The following MEIOB variants were observed in gnomAD, a reference collection of about 807,000 sequenced individuals.
The protein encoded by MEIOB is meiosis-specific with OB domain-containing protein.
A neutral mutation model predicts 53.1 loss-of-function variants in MEIOB; 50 were observed. The observed-to-expected ratio is 0.94, with a 90% CI of 0.75 to 1.19. MEIOB has a LOEUF of 1.19. Among genes scored for constraint, MEIOB ranks in the 50% most tolerant of loss-of-function variants. MEIOB has a pLI of 0.00. For synonymous variants in MEIOB, 192 were observed against 182.5 expected (o/e 1.05, Z -0.42); for missense variants, 551 against 550.8 (o/e 1.00, Z 0.00).
At chr16:1,838,799 C>G (rs913469336) in intron 12 of MEIOB, among the ~76,000 whole-genome samples, 3 of 152,084 alleles carry the variant, frequency 2.0e-5, no homozygotes, top group Non-Finnish European at 1.5e-5. Context: ...TCAAGTGATT[C>G]TCGTGCCCCA....
At chr16:1,853,879 G>A (rs1899233084) in intron 7 of MEIOB, among the ~76,000 whole-genome samples, 1 of 152,204 alleles carries the variant, frequency 6.6e-6, no homozygotes, top group African/African-American at 2.4e-5. Flanking sequence ...ACTGGGCACG[G>A]TGGAGTCCCC....
chr16:1,864,823 T>C (rs1899544306), intron 3 of MEIOB, among the ~76,000 whole-genome samples: 1 of 152,154 alleles, frequency 6.6e-6, no homozygotes, highest in Non-Finnish European at 1.5e-5. Context: ...TTTTAGCAAG[T>C]ATTTTAATAA....
At chr16:1,850,342 G>C (rs1397148421) in intron 9 of MEIOB, among the ~76,000 whole-genome samples, 3 of 152,258 alleles carry the variant, frequency 2.0e-5, no homozygotes, top group Middle Eastern at 6.8e-3. Flanking sequence ...ACTTTGGGAG[G>C]CCGAGGCGGG....
In MEIOB at chr16:1,862,063, G is replaced by C; in HGVS notation, c.181C>G (p.His61Asp). 6.4e-7 allele frequency: 1 copy of C among 1,551,360 alleles called. No homozygotes were observed. The highest frequency in any genetic ancestry group is 8.7e-7 in the Non-Finnish European group (1 of 1,146,726). The change falls in exon 4 of 14, where the codon CAT (histidine) becomes GAT (aspartate). Residue 61 changes from histidine to aspartate, a missense_variant. Transcript: ENST00000325962. ...FSFTIRDSPA[H>D]FVNAASWGNE... ...CCCCAGGAAGCTGCATTTACAAAAT[G>C]TGCTGGTGAATCCCGAATGGTGAAG... is the stretch of plus-strand genomic sequence containing the variant.
intron 11 of MEIOB, among the ~76,000 whole-genome samples, chr16:1,841,394 C>T (rs1306274645): frequency 6.6e-6 from 1 of 152,128 alleles, no homozygotes; most frequent in Non-Finnish European, 1.5e-5. Context: ...TGGACTCAAA[C>T]TCTTCAAACT....
rs747236111 is a variant in MEIOB, at chr16:1,839,336, C to T, written c.1137G>A (p.Leu379=). The stretch of plus-strand genomic sequence containing the variant: ...TGCCTGTGTGATCAGTCAGATCAAT[C>T]AGCACATGGAAACTGAGAAAGACAG... ...FKSVFLSFHV[L]IDLTDHTGTL... is the part of the protein sequence containing the mutation. The change falls in exon 12 of 14, where the codon CTG becomes CTA. Residue 379 remains leucine (L), a synonymous_variant. Coordinates refer to ENST00000325962, the MANE Select transcript of MEIOB (RefSeq NM_001163560.3). 6.2e-7 allele frequency: 1 copy of T among 1,614,174 alleles called. No individual in the cohort carries two copies. Among genetic ancestry groups the T allele is most frequent in the Non-Finnish European group, 8.5e-7 (1 of 1,180,036 alleles).
intron 10 of MEIOB, among the ~76,000 whole-genome samples, chr16:1,842,826 AT>A (rs575850474): frequency 3.4e-5 from 5 of 148,064 alleles, no homozygotes; most frequent in South Asian, 2.1e-4. Context: ...ACCACGGCTA[AT>A]TTTTTTTTGT....
chr16:1,845,879 C>T (rs1016623030), intron 9 of MEIOB, among the ~76,000 whole-genome samples: 2 of 152,110 alleles, frequency 1.3e-5, no homozygotes, highest in African/African-American at 4.8e-5. Flanking sequence ...TACCCCAGGC[C>T]CCCCTGAATA....
At position 1,841,982 on chromosome 16, in the gene MEIOB, AG is replaced by A; in HGVS notation, c.881-10del. Reference sequence around the variant, plus strand: ...ATCAACTATTGTACTTACTAAAAACAGAAAGAAGTATTACAGTTCTGTATAT... The same window carrying A: ...ATCAACTATTGTACTTACTAAAAACAAAAGAAGTATTACAGTTCTGTATAT... On this transcript the variant is annotated splice_polypyrimidine_tract_variant and intron_variant, in intron 10 of 13. Coordinates refer to ENST00000325962, the MANE Select transcript of MEIOB (RefSeq NM_001163560.3). The A allele has an allele frequency of 1.3e-6, 2 of 1,532,642 alleles. No individual in the cohort carries two copies. The highest frequency in any genetic ancestry group is 1.4e-5 in the African/African-American group (1 of 72,196). 94.9% of individuals were successfully genotyped at this position (1,532,642 alleles called of 1,614,324 possible).
chr16:1,834,159 CAA>C lies in MEIOB; in HGVS notation c.*95_*96del. The C allele has an allele frequency of 1.4e-6, 1 of 698,730 alleles. No homozygotes were observed. The highest frequency in any genetic ancestry group is 2.5e-6 in the Non-Finnish European group (1 of 405,298). 43.3% of individuals were successfully genotyped at this position (698,730 alleles called of 1,614,324 possible). A position where few individuals can be genotyped will look rare whatever the true frequency, so the allele number is the denominator to read the frequency against. On this transcript the variant is annotated 3_prime_UTR_variant, in exon 14 of 14. Coordinates refer to ENST00000325962, the MANE Select transcript of MEIOB (RefSeq NM_001163560.3). ...TAGAAACATGTTCACCACATGTAAACAAAATGCAATTTTCCCCATAATTTTCA... is the reference window on the plus strand; with the variant it reads ...TAGAAACATGTTCACCACATGTAAACAATGCAATTTTCCCCATAATTTTCA...
chr16:1,856,759 CTTTT>C lies in MEIOB; in HGVS notation c.528+972_528+975del, dbSNP rs3045430. Among the ~76,000 whole-genome samples the C allele has an allele frequency of 4.0e-3, 334 of 84,162 alleles. 1 individual carries two copies. The highest frequency in any genetic ancestry group is 7.1e-3 in the African/African-American group (133 of 18,670). The allele number at this position is 84,162 out of a possible 152,430, so 55.2% of individuals were successfully genotyped here. A position where few individuals can be genotyped will look rare whatever the true frequency, so the allele number is the denominator to read the frequency against. Reference sequence around the variant, plus strand: ...ACAGGCATGAGCCACCACGCCAGGCCTTTTTTTTTTTTTTTTTTTTTTGAGACAG... The same window carrying C: ...ACAGGCATGAGCCACCACGCCAGGCCTTTTTTTTTTTTTTTTTTGAGACAG... On this transcript the variant is annotated intron_variant, in intron 6 of 13. Coordinates refer to ENST00000325962, the MANE Select transcript of MEIOB (RefSeq NM_001163560.3).
chr16:1,838,938 C>T (rs1161746399), intron 12 of MEIOB, among the ~76,000 whole-genome samples: 1 of 152,178 alleles, frequency 6.6e-6, no homozygotes, highest in Non-Finnish European at 1.5e-5. Flanking sequence ...GTGATCCGCC[C>T]TCCTTGGCCT....
At chr16:1,860,616 C>T (rs935843405) in intron 4 of MEIOB, 141 bp from the exon 5 acceptor site, 19 of 600,254 alleles carry the variant, frequency 3.2e-5, no homozygotes, top group Non-Finnish European at 4.7e-5. Context: ...TCTTCTCCAT[C>T]ATCAACATAT....
chr16:1,843,589 T>C (rs1236022940), intron 10 of MEIOB: 1 of 151,648 alleles, frequency 6.6e-6, no homozygotes, highest in Non-Finnish European at 1.5e-5. Context: ...TCCCAGCTAC[T>C]TGGGAGGCTA....
chr16:1,836,593 G>T (rs1035941416), intron 13 of MEIOB, among the ~76,000 whole-genome samples: 1 of 151,896 alleles, frequency 6.6e-6, no homozygotes, highest in East Asian at 1.9e-4. Flanking sequence ...TCAAGCCGAG[G>T]TCCTAGAAAT....
At chr16:1,866,124 C>G (rs1899587943) in intron 2 of MEIOB, among the ~76,000 whole-genome samples, 1 of 152,170 alleles carries the variant, frequency 6.6e-6, no homozygotes, top group Non-Finnish European at 1.5e-5. Context: ...AATAACTGCC[C>G]TATGCTATCA....
At chr16:1,869,414 G>A (rs1376507407) in intron 1 of MEIOB, among the ~76,000 whole-genome samples, 2 of 152,074 alleles carry the variant, frequency 1.3e-5, no homozygotes, top group African/African-American at 4.8e-5. Flanking sequence ...ACCAAGCCCA[G>A]CCAAATTTAG....
intron 10 of MEIOB, among the ~76,000 whole-genome samples, chr16:1,844,102 T>C (rs1256470710): frequency 1.3e-5 from 2 of 151,918 alleles, no homozygotes; most frequent in African/African-American, 2.4e-5. Context: ...GGGCTCTTTG[T>C]TGCATTCTGT....
intron 12 of MEIOB, 128 bp from the exon 13 acceptor site, chr16:1,837,998 G>A (rs777123699): frequency 2.0e-5 from 29 of 1,435,948 alleles, no homozygotes; most frequent in South Asian, 3.1e-5. Context: ...CAGCTCAATC[G>A]TTTGTTTTTG....
Sources: gnomAD v4.1 joint callset for allele counts (sites outside exome capture counted in the v4.1 genomes callset) on GRCh38, gnomAD v4.1.1 for gene constraint, MANE v1.5 for transcripts, NCBI Gene and HGNC (gene_info 2026-07-23, HGNC 2026-07-21) for gene names.